Variants in PRKAG2 observed in about 807,000 individuals in gnomAD.
The protein encoded by PRKAG2 is protein kinase AMP-activated non-catalytic subunit gamma 2.
Under a neutral mutation model 69.6 loss-of-function variants are expected in PRKAG2, and 26 were observed. The ratio of observed to expected loss-of-function variants is 0.37; its 90% CI spans 0.27 to 0.52. The LOEUF is 0.52. Among genes scored for constraint, PRKAG2 ranks in the 20% least tolerant of loss-of-function variants. PRKAG2 has a pLI of 0.90. For synonymous variants in PRKAG2, 293 were observed against 285.0 expected (o/e 1.03, Z -0.28); for missense variants, 557 against 740.0 (o/e 0.75, Z 2.87).
intron 4 of PRKAG2, among the ~76,000 whole-genome samples, chr7:151,648,306 C>T (rs1266482395): frequency 6.6e-6 from 1 of 152,184 alleles, no homozygotes; most frequent in Non-Finnish European, 1.5e-5. Flanking sequence ...ATAGGTTTTG[C>T]TGTTTCAGAT....
At chr7:151,589,319 G>A (rs557976261) in intron 6 of PRKAG2, among the ~76,000 whole-genome samples, 12 of 152,080 alleles carry the variant, frequency 7.9e-5, no homozygotes, top group South Asian at 2.1e-4. Context: ...GAAGGCACGC[G>A]CCAGGACCCC....
chr7:151,688,602 C>A (rs141668989), intron 3 of PRKAG2, among the ~76,000 whole-genome samples: 3 of 152,316 alleles, frequency 2.0e-5, no homozygotes, highest in East Asian at 3.9e-4. Context: ...CGGGCTCCCC[C>A]ACTGTGCCCG....
At chr7:151,738,621 A>G (rs980165327) in intron 3 of PRKAG2, among the ~76,000 whole-genome samples, 9 of 152,268 alleles carry the variant, frequency 5.9e-5, no homozygotes, top group Non-Finnish European at 1.2e-4. Context: ...CTTTAAGGAC[A>G]TGCTCCTGCT....
Position 151,638,277 on chromosome 7 carries a change from T to G in PRKAG2, c.685-6139A>C, listed in dbSNP as rs1826070195. On this transcript the variant is annotated intron_variant, in intron 4 of 15. Coordinates refer to ENST00000287878, the MANE Select transcript of PRKAG2 (RefSeq NM_016203.4). The surrounding 1 kb of genome is among the most constrained non-coding windows in gnomAD (Gnocchi z 4.3). ...GGAACAGAGGGACCCAAGTTGGACT[T>G]TATGGAGAGAATGCCTGAGAAACAT... Among the ~76,000 whole-genome samples, 5 of 152,058 alleles carry G rather than the reference T, an allele frequency of 3.3e-5. No homozygotes were observed. The highest frequency in any genetic ancestry group is 1.2e-4 in the African/African-American group (5 of 41,402).
intron 4 of PRKAG2, among the ~76,000 whole-genome samples, chr7:151,666,728 T>A (rs563300948): frequency 4.7e-4 from 71 of 152,182 alleles, no homozygotes; most frequent in Non-Finnish European, 8.5e-4. Flanking sequence ...CCGTAGTTCC[T>A]CCCTGCCTGG....
At chr7:151,750,974 G>T (rs2074632777) in intron 3 of PRKAG2, among the ~76,000 whole-genome samples, 1 of 152,066 alleles carries the variant, frequency 6.6e-6, no homozygotes, top group African/African-American at 2.4e-5. Flanking sequence ...GGAAAATATG[G>T]ATTAATTCTA....
intron 3 of PRKAG2, among the ~76,000 whole-genome samples, chr7:151,729,591 C>G (rs988473134): frequency 1.3e-5 from 2 of 152,174 alleles, no homozygotes; most frequent in African/African-American, 4.8e-5. Flanking sequence ...GCCTTCATCT[C>G]AAGCAGGTGT....
chr7:151,869,207 G>T (rs1003901379), intron 1 of PRKAG2, among the ~76,000 whole-genome samples: 3 of 152,184 alleles, frequency 2.0e-5, no homozygotes, highest in Admixed American at 6.5e-5. Context: ...TCTGCTGGCT[G>T]CTGCTTCTGT....
At chr7:151,718,824 TCCA>T (rs1267390398) in intron 3 of PRKAG2, among the ~76,000 whole-genome samples, 2 of 152,010 alleles carry the variant, frequency 1.3e-5, no homozygotes, top group Non-Finnish European at 2.9e-5. Flanking sequence ...CTCATTCTTG[TCCA>T]CCAAACCAGA....
In PRKAG2 at chr7:151,876,530, G is replaced by A; in HGVS notation, c.91C>T (p.Arg31Cys). 1 of 1,607,942 alleles carries A rather than the reference G, an allele frequency of 6.2e-7. No homozygotes were observed. The highest frequency in any genetic ancestry group is 8.5e-7 in the Non-Finnish European group (1 of 1,179,818). ...ACCGGAATGTGCACGCGCAGCGAACGCCTCTTCTGGCTGGCATTTTTCTTG... is the reference window on the plus strand; with the variant it reads ...ACCGGAATGTGCACGCGCAGCGAACACCTCTTCTGGCTGGCATTTTTCTTG... ...GGKKNASQKR[R>C]SLRVHIPDLS... The change falls in exon 1 of 16, where the codon CGT becomes TGT. Residue 31 changes from arginine to cysteine, a missense_variant. This residue lies in a region of PRKAG2 where 352 missense variants were observed against 356.7 expected (regional missense o/e 0.99). Transcript: ENST00000287878.
At chr7:151,597,895 T>A (rs1031241647) in intron 5 of PRKAG2, among the ~76,000 whole-genome samples, 1 of 138,886 alleles carries the variant, frequency 7.2e-6, no homozygotes, top group Non-Finnish European at 1.5e-5. Flanking sequence ...TAGAAAACAG[T>A]ACAGAGGTTC....
At chr7:151,812,401 A>G (rs1422921709) in intron 1 of PRKAG2, among the ~76,000 whole-genome samples, 1 of 152,192 alleles carries the variant, frequency 6.6e-6, no homozygotes, top group Non-Finnish European at 1.5e-5. Context: ...AGTTTGAAAG[A>G]GCGCTGTGAA....
At chr7:151,651,408 A>T (rs1227750621) in intron 4 of PRKAG2, among the ~76,000 whole-genome samples, 1 of 152,118 alleles carries the variant, frequency 6.6e-6, no homozygotes, top group Non-Finnish European at 1.5e-5. Context: ...GCAGTTCGAG[A>T]CCATCCTGGC....
rs141875353 is a variant in PRKAG2, at chr7:151,675,140, C to T, written c.684+280G>A. 350 of 408,070 alleles carry T rather than the reference C, an allele frequency of 8.6e-4. 2 individuals are homozygous for T. Among genetic ancestry groups the T allele is most frequent in the African/African-American group, 6.1e-3 (298 of 48,804 alleles). The allele number at this position is 408,070 out of a possible 1,614,324, so 25.3% of individuals were successfully genotyped here. ...TTTGCCATGTTGGCCAGGCTGGTCT[C>T]GAACTCCTGGCCTCAAGTGATCTGC... On this transcript the variant is annotated intron_variant, in intron 4 of 15. Coordinates refer to ENST00000287878, the MANE Select transcript of PRKAG2 (RefSeq NM_016203.4).
intron 4 of PRKAG2, among the ~76,000 whole-genome samples, chr7:151,672,836 G>A (rs1832285435): frequency 6.6e-6 from 1 of 152,090 alleles, no homozygotes; most frequent in South Asian, 2.1e-4. Flanking sequence ...GCCGCGTGCT[G>A]GGCACAGGGC....
chr7:151,812,641 G>A (rs966593005), intron 1 of PRKAG2, among the ~76,000 whole-genome samples: 1 of 152,170 alleles, frequency 6.6e-6, no homozygotes, highest in African/African-American at 2.4e-5. Context: ...GACAGGACCT[G>A]AAGAGAAGCC....
intron 1 of PRKAG2, among the ~76,000 whole-genome samples, chr7:151,845,026 C>T (rs1046346933): frequency 1.3e-5 from 2 of 152,148 alleles, no homozygotes; most frequent in African/African-American, 4.8e-5. Context: ...GGGATGGCGG[C>T]AGGCAGCCTC....
intron 2 of PRKAG2, among the ~76,000 whole-genome samples, chr7:151,782,333 GAAGGA>G (rs2076729427): frequency 3.1e-5 from 1 of 32,028 alleles, no homozygotes; most frequent in Non-Finnish European, 6.5e-5. Flanking sequence ...AGGAAGGAAG[GAAGGA>G]AGGAGGGAGG....
chr7:151,632,259 G>A lies in PRKAG2; in HGVS notation c.685-121C>T, dbSNP rs3750136. ...GCCGCGCCGCCGGGAGGAGGGGCCT[G>A]GCAGGGGACGCGGGCAGCGGGGGCC... On this transcript the variant is annotated intron_variant, in intron 4 of 15. Transcript: ENST00000287878. This position sits in a 1 kb window ranked among gnomAD's most constrained non-coding sequence, Gnocchi z 4.2. 9.3e-3 allele frequency: 9,731 copies of A among 1,047,236 alleles called. 547 individuals carry two copies. In the East Asian group the frequency reaches 0.23, roughly 25 times the overall value. The allele number at this position is 1,047,236 out of a possible 1,614,324, so 64.9% of individuals were successfully genotyped here.
Sources: gnomAD v4.1 joint callset for allele counts (sites outside exome capture counted in the v4.1 genomes callset) on GRCh38, gnomAD v4.1.1 for gene constraint, gnomAD v4.1.1 regional missense constraint, Gnocchi (gnomAD v3.1) non-coding constraint, MANE v1.5 for transcripts, NCBI Gene and HGNC (gene_info 2026-07-23, HGNC 2026-07-21) for gene names.